ASAP1: variants seen among roughly 807,000 people sequenced by gnomAD.
The protein encoded by ASAP1 is arf-GAP with SH3 domain, ANK repeat and PH domain-containing protein 1.
A neutral mutation model predicts 145.2 loss-of-function variants in ASAP1; 43 were observed. The ratio of observed to expected loss-of-function variants is 0.30; its 90% CI spans 0.23 to 0.38. The LOEUF (loss-of-function observed/expected upper bound fraction) is 0.38. Ranked by LOEUF, ASAP1 falls within the 10% of genes least tolerant of loss-of-function variation. ASAP1 has a pLI of 1.00. For synonymous variants in ASAP1, 546 were observed against 515.5 expected (o/e 1.06, Z -0.80); for missense variants, 1,018 against 1,355.3 (o/e 0.75, Z 3.91).
intron 5 of ASAP1, among the ~76,000 whole-genome samples, chr8:130,208,337 T>C (rs1050991091): frequency 5.3e-5 from 8 of 152,202 alleles, no homozygotes; most frequent in African/African-American, 1.7e-4. Context: ...GTCACATGTA[T>C]AGATAACTAC....
chr8:130,197,404 G>A (rs1815571170), intron 5 of ASAP1, among the ~76,000 whole-genome samples: 1 of 152,150 alleles, frequency 6.6e-6, no homozygotes. Context: ...GCTCCAGCCT[G>A]GGCAACAGAA....
chr8:130,280,399 G>A (rs965657360), intron 3 of ASAP1, among the ~76,000 whole-genome samples: 2 of 152,218 alleles, frequency 1.3e-5, no homozygotes, highest in Non-Finnish European at 2.9e-5. Flanking sequence ...GTCTACTTGT[G>A]ATAATGGTTA....
At chr8:130,391,447 C>T (rs1828280822) in intron 2 of ASAP1, among the ~76,000 whole-genome samples, 2 of 152,230 alleles carry the variant, frequency 1.3e-5, no homozygotes, top group South Asian at 2.1e-4. Flanking sequence ...TTATGTTATG[C>T]ATACTTCACC....
chr8:130,228,992 C>A (rs927685319), intron 4 of ASAP1, among the ~76,000 whole-genome samples: 5 of 152,078 alleles, frequency 3.3e-5, no homozygotes, highest in Admixed American at 3.3e-4. Context: ...TGATCAATTA[C>A]CCAAGACATG....
At chr8:130,380,910 G>T (rs764036558) in intron 2 of ASAP1, among the ~76,000 whole-genome samples, 1 of 151,850 alleles carries the variant, frequency 6.6e-6, no homozygotes, top group Non-Finnish European at 1.5e-5. Flanking sequence ...ATTGAGACAG[G>T]GTCTCTCTCT....
intron 15 of ASAP1, among the ~76,000 whole-genome samples, chr8:130,133,972 C>T (rs1265680576): frequency 6.6e-6 from 1 of 152,210 alleles, no homozygotes; most frequent in East Asian, 1.9e-4. Context: ...TCGAAAAGCT[C>T]TTGGTCTCTA....
chr8:130,298,145 A>G (rs577809273), intron 3 of ASAP1, among the ~76,000 whole-genome samples: 12 of 152,352 alleles, frequency 7.9e-5, no homozygotes, highest in Non-Finnish European at 1.6e-4. Flanking sequence ...ACAAATAGCT[A>G]GTTGACAAGT....
intron 1 of ASAP1, among the ~76,000 whole-genome samples, chr8:130,402,307 CGACA>C (rs1192101809): frequency 4.6e-5 from 7 of 152,012 alleles, no homozygotes; most frequent in African/African-American, 1.7e-4. Context: ...CTGATGGATG[CGACA>C]GACAGACAGA....
chr8:130,149,331 C>T (rs2097640738), intron 13 of ASAP1, among the ~76,000 whole-genome samples: 1 of 151,180 alleles, frequency 6.6e-6, no homozygotes, highest in Admixed American at 6.6e-5. Flanking sequence ...CACAATTCTG[C>T]ATTACTTTGA....
At chr8:130,275,979 C>T (rs771026578) in intron 3 of ASAP1, among the ~76,000 whole-genome samples, 16 of 152,078 alleles carry the variant, frequency 1.1e-4, no homozygotes, top group Non-Finnish European at 1.9e-4. Flanking sequence ...ATCAGCGGCT[C>T]CAAGAACAGA....
At chr8:130,354,783 C>A (rs993918542) in intron 3 of ASAP1, among the ~76,000 whole-genome samples, 1 of 152,202 alleles carries the variant, frequency 6.6e-6, no homozygotes, top group African/African-American at 2.4e-5. Flanking sequence ...CCCAAGGTAG[C>A]CACTCATTGT....
At chr8:130,172,474 C>T (rs1017243204) in intron 9 of ASAP1, among the ~76,000 whole-genome samples, 2 of 151,982 alleles carry the variant, frequency 1.3e-5, no homozygotes, top group African/African-American at 4.8e-5. Flanking sequence ...AATCTCTTCC[C>T]AATTTTTTTT....
intron 13 of ASAP1, 79 bp downstream of exon 13, chr8:130,152,657 C>A: frequency 1.1e-6 from 1 of 933,128 alleles, no homozygotes; most frequent in Non-Finnish European, 1.6e-6. Flanking sequence ...AATATATTTG[C>A]GCCAATTTTT....
intron 7 of ASAP1, among the ~76,000 whole-genome samples, chr8:130,183,020 T>G (rs933294310): frequency 9.2e-5 from 14 of 151,882 alleles, no homozygotes; most frequent in African/African-American, 3.4e-4. Flanking sequence ...TATTATATAA[T>G]GAAAATTCCC....
chr8:130,335,758 T>C (rs537980608), intron 3 of ASAP1, among the ~76,000 whole-genome samples: 77 of 152,276 alleles, frequency 5.1e-4, no homozygotes, highest in African/African-American at 1.7e-3. Flanking sequence ...GGAGAGATAG[T>C]CTGAGGTTAA....
intron 1 of ASAP1, among the ~76,000 whole-genome samples, chr8:130,425,273 A>C (rs1829873627): frequency 6.6e-6 from 1 of 152,072 alleles, no homozygotes; most frequent in Non-Finnish European, 1.5e-5. Flanking sequence ...CAGAGGTTAC[A>C]GTGAGGTGAG....
At chr8:130,421,157 C>G (rs918814382) in intron 1 of ASAP1, among the ~76,000 whole-genome samples, 1 of 152,206 alleles carries the variant, frequency 6.6e-6, no homozygotes, top group African/African-American at 2.4e-5. Flanking sequence ...CTACCAGCAA[C>G]AGTCTTAGTG....
chr8:130,109,026 C>T (rs973060915), intron 24 of ASAP1, among the ~76,000 whole-genome samples: 9 of 151,942 alleles, frequency 5.9e-5, no homozygotes, highest in Non-Finnish European at 1.2e-4. Flanking sequence ...CCGGCCACCT[C>T]GGTCTCCCAA....
intron 3 of ASAP1, among the ~76,000 whole-genome samples, chr8:130,320,837 C>T (rs1335251775): frequency 6.6e-6 from 1 of 152,184 alleles, no homozygotes; most frequent in Non-Finnish European, 1.5e-5. Flanking sequence ...CTGATCAGAT[C>T]AGTAGACATC....
Sources: allele counts gnomAD v4.1 joint callset (sites outside exome capture counted in the v4.1 genomes callset), GRCh38; gene constraint gnomAD v4.1.1; transcripts MANE v1.5; gene names NCBI Gene and HGNC (gene_info 2026-07-23, HGNC 2026-07-21).